FLAD1: variants seen among roughly 807,000 people sequenced by gnomAD.
The protein encoded by FLAD1 is flavin adenine dinucleotide synthetase 1.
A neutral mutation model predicts 55.0 loss-of-function variants in FLAD1; 35 were observed. The ratio of observed to expected loss-of-function variants is 0.64; its 90% CI spans 0.49 to 0.84. FLAD1 has a LOEUF of 0.84. Among genes scored for constraint, FLAD1 ranks in the 40% least tolerant of loss-of-function variants. The probability of loss-of-function intolerance (pLI) is 0.00; values close to 1 mark genes in which losing one functional copy is unlikely to be tolerated. For synonymous variants in FLAD1, 267 were observed against 303.0 expected, an observed-to-expected ratio of 0.88 and a Z score of 1.23; for missense variants, 665 against 742.6, an observed-to-expected ratio of 0.90 and a Z score of 1.21.
In FLAD1 at chr1:154,988,624, G is replaced by A; in HGVS notation, c.892G>A (p.Ala298Thr). ...TGAAGCCTCCATCGCCCCCATTCTGGCTGAGGCCCAGGCCCACTTTGGACG... is the reference window on the plus strand; with the variant it reads ...TGAAGCCTCCATCGCCCCCATTCTGACTGAGGCCCAGGCCCACTTTGGACG... The part of the protein sequence containing the change: ...ADEASIAPIL[A>T]EAQAHFGRRL... Residue 298 changes from alanine to threonine, a missense_variant, in exon 2 of 7, where the codon GCT (alanine) becomes ACT (threonine). By Grantham distance (58) the Ala-to-Thr change is moderately conservative. Coordinates refer to ENST00000292180, the MANE Select transcript of FLAD1 (RefSeq NM_025207.5). The A allele has an allele frequency of 6.2e-7, 1 of 1,614,198 alleles. No individual in the cohort carries two copies. The highest frequency in any genetic ancestry group is 8.5e-7 in the Non-Finnish European group (1 of 1,180,034).
chr1:154,984,121 C>T, intron 1 of FLAD1, 55 bp downstream of exon 1: 1 of 1,406,618 alleles, frequency 7.1e-7, no homozygotes, highest in South Asian at 1.8e-5. Context: ...TCCTTAAGGG[C>T]CTGCTGCACA....
chr1:154,988,620 T>G lies in FLAD1; in HGVS notation c.888T>G (p.Ile296Met). ...VAADEASIAP[I>M]LAEAQAHFGR... ...CTGATGAAGCCTCCATCGCCCCCAT[T>G]CTGGCTGAGGCCCAGGCCCACTTTG... The change falls in exon 2 of 7, where the codon ATT (isoleucine) becomes ATG (methionine). Residue 296 changes from isoleucine (I) to methionine (M), a missense_variant. Coordinates refer to ENST00000292180, the MANE Select transcript of FLAD1 (RefSeq NM_025207.5). The G allele has an allele frequency of 1.2e-6, 2 of 1,614,188 alleles. No individual in the cohort carries two copies. Among genetic ancestry groups the G allele is most frequent in the Non-Finnish European group, 8.5e-7 (1 of 1,180,038 alleles).
chr1:154,990,308 C>T (rs202124211), intron 4 of FLAD1, 31 bp from the exon 5 acceptor site: 18 of 1,613,284 alleles, frequency 1.1e-5, no homozygotes, highest in Admixed American at 1.0e-4. Flanking sequence ...ACAGAGCCCA[C>T]GCCCGACCCC....
intron 1 of FLAD1, chr1:154,987,877 A>T (rs898839605): frequency 1.0e-5 from 14 of 1,353,712 alleles, no homozygotes; most frequent in Non-Finnish European, 1.4e-5. Context: ...GGCTGCAGTG[A>T]ACTGTGACTG....
intron 1 of FLAD1, among the ~76,000 whole-genome samples, chr1:154,985,131 C>T (rs1034262241): frequency 6.2e-5 from 9 of 145,100 alleles, no homozygotes; most frequent in African/African-American, 2.3e-4. Flanking sequence ...TCCTCCCACA[C>T]CTTGCTGGGA....
intron 3 of FLAD1, 101 bp from the exon 4 acceptor site, chr1:154,990,058 G>T: frequency 1.1e-6 from 1 of 948,960 alleles, no homozygotes. Context: ...GGGAGAAGGG[G>T]TGAGAGTCTG....
rs368782747 is a variant in FLAD1 at position 154,992,585 on chromosome 1, C to T, written c.1555-128C>T. On this transcript the variant is annotated intron_variant, in intron 5 of 6. Coordinates refer to ENST00000292180, the MANE Select transcript of FLAD1 (RefSeq NM_025207.5). ...CATAGAGCAAGCTATACCAGAGAAT[C>T]AGATAGCAAGCCCTCCCTCAGAGGC... 2.1e-5 allele frequency: 34 copies of T among 1,613,948 alleles called. No individual in the cohort carries two copies. In the African/African-American group the frequency reaches 3.9e-4, roughly 18 times the overall value.
rs1222916061 is a variant in FLAD1, at chr1:154,989,608, C to T, written c.1166C>T (p.Thr389Ile). The change falls in exon 3 of 7, where the codon ACC becomes ATC. Residue 389 changes from threonine to isoleucine, a missense_variant. Physicochemically the swap from Thr to Ile is moderately conservative, Grantham distance 89. Transcript: ENST00000292180. ...KVAGALQTIE[T>I]SLAQYSLTQL... ...GCAGGTGCCCTACAGACCATTGAGA[C>T]CTCCCTGGCTCAGTACAGCCTCACC... 1.9e-6 allele frequency: 3 copies of T among 1,603,154 alleles called. No homozygotes were observed. The highest frequency in any genetic ancestry group is 1.7e-4 in the Middle Eastern group (1 of 6,014).
chr1:154,992,817 G>C (rs1235555005), intron 6 of FLAD1, 31 bp downstream of exon 6: 1 of 1,614,038 alleles, frequency 6.2e-7, no homozygotes, highest in Non-Finnish European at 8.5e-7. Flanking sequence ...GAATGGGTAA[G>C]GGAGTTTTTA....
Position 154,989,738 on chromosome 1 carries a change from G to A in FLAD1, c.1265+31G>A, listed in dbSNP as rs775757993. 1.9e-5 allele frequency: 28 copies of A among 1,489,170 alleles called. No homozygotes were observed. In the Middle Eastern group the frequency reaches 1.1e-3, roughly 60 times the overall value. 92.2% of individuals were successfully genotyped at this position (1,489,170 alleles called of 1,614,324 possible). The stretch of plus-strand genomic sequence containing the variant: ...CCTGCCCCCGGGAGACAAGACCCCT[G>A]ATCTGTTTCTCCAGTTCCACATCCC... On this transcript the variant is annotated intron_variant, in intron 3 of 6. Coordinates refer to ENST00000292180, the MANE Select transcript of FLAD1 (RefSeq NM_025207.5).
Position 154,993,056 on chromosome 1 carries a change from A to T in FLAD1, c.*19A>T, listed in dbSNP as rs1285887513. On this transcript the variant is annotated 3_prime_UTR_variant, in exon 7 of 7. Transcript: ENST00000292180. ...CACATGACCTCCCACCCTAGGAGGG[A>T]GGGAAGGACACCGTCCTAGGGTATA... 1.2e-6 allele frequency: 2 copies of T among 1,609,864 alleles called. No individual in the cohort carries two copies. Among genetic ancestry groups the T allele is most frequent in the South Asian group, 1.1e-5 (1 of 90,996 alleles).
intron 5 of FLAD1, chr1:154,991,191 AAC>A (rs1657841286): frequency 7.4e-6 from 1 of 135,192 alleles, no homozygotes; most frequent in African/African-American, 2.8e-5. Context: ...TGGGCAACAG[AAC>A]AAGACTCTGT....
Position 154,990,232 on chromosome 1 carries a change from C to T in FLAD1, c.1339C>T (p.Gln447Ter), listed in dbSNP as rs1466009259. The change falls in exon 4 of 7, where the codon CAG (glutamine) becomes TAG (stop). Residue 447 changes from glutamine (Q) to a stop codon, truncating the protein, a stop_gained. Coordinates refer to ENST00000292180, the MANE Select transcript of FLAD1 (RefSeq NM_025207.5). LOFTEE classifies it high-confidence loss of function. ...RSISPFPELE[Q>*]FLQDTIKRYN... is the part of the protein sequence containing the mutation. ...CATCTCCCCTTTCCCTGAGCTGGAA[C>T]AGTTTCTACAGGACACTATCAAGAG... 4.3e-6 allele frequency: 7 copies of T among 1,614,032 alleles called. No homozygotes were observed. The Admixed American group carries it at 1.0e-4, about 23-fold the overall frequency.
In FLAD1 at chr1:154,990,539, A is replaced by G; in HGVS notation, c.1554+11A>G. ...ATCAACCCACTGCTGGTAATGGGGA[A>G]GAGGGTTTATCACCTTCAGTCTCAC... On this transcript the variant is annotated intron_variant, in intron 5 of 6. Transcript: ENST00000292180. 6.3e-7 allele frequency: 1 copy of G among 1,586,270 alleles called. No individual in the cohort carries two copies. The highest frequency in any genetic ancestry group is 1.3e-5 in the African/African-American group (1 of 74,372).
chr1:154,987,650 A>T (rs967295098), intron 1 of FLAD1: 3 of 203,690 alleles, frequency 1.5e-5, no homozygotes, highest in Non-Finnish European at 3.0e-5. Flanking sequence ...AGAAAGAAGA[A>T]AGCAGGCCAG....
At chr1:154,987,096 C>T (rs879396215) in intron 1 of FLAD1, among the ~76,000 whole-genome samples, 4 of 151,104 alleles carry the variant, frequency 2.6e-5, no homozygotes, top group Admixed American at 6.6e-5. Context: ...GGCATGATCT[C>T]GGCTCACTGC....
In FLAD1 at chr1:154,984,695, C is replaced by T. The variant is rs1371773877; in HGVS notation, c.372+629C>T. 6.8e-5 allele frequency among the ~76,000 whole-genome samples: 9 copies of T among 132,162 alleles called. No individual in the cohort carries two copies. The South Asian group carries it at 1.2e-3, about 17-fold the overall frequency. The allele number at this position is 132,162 out of a possible 152,430, so 86.7% of individuals were successfully genotyped here. The stretch of plus-strand genomic sequence containing the variant: ...TGCACTCCAGCCTGGGCAACAAGAG[C>T]GAAACTCCGTCTCAAAAAAAAAAAA... On this transcript the variant is annotated intron_variant, in intron 1 of 6. Coordinates refer to ENST00000292180, the MANE Select transcript of FLAD1 (RefSeq NM_025207.5).
At chr1:154,986,163 C>T (rs1010110217) in intron 1 of FLAD1, among the ~76,000 whole-genome samples, 10 of 152,014 alleles carry the variant, frequency 6.6e-5, no homozygotes, top group Non-Finnish European at 1.2e-4. Flanking sequence ...CTCAGTCTCC[C>T]GAGTAGCTGA....
Position 154,983,595 on chromosome 1 carries a change from TGAG to T in FLAD1, c.-96_-94del, listed in dbSNP as rs1371905790. 38 of 1,310,370 alleles carry T rather than the reference TGAG, an allele frequency of 2.9e-5. No homozygotes were observed. Among genetic ancestry groups the T allele is most frequent in the Admixed American group, 1.3e-4 (6 of 46,432 alleles). The allele number at this position is 1,310,370 out of a possible 1,614,324, so 81.2% of individuals were successfully genotyped here. ...GGATGCCCAAGGTAGAGCAGACACT[TGAG>T]GAGACCAGCTCAGCAAACGGAAGAC... On this transcript the variant is annotated 5_prime_UTR_variant, in exon 1 of 7. Transcript: ENST00000292180.
Sources: gnomAD v4.1 joint callset for allele counts (sites outside exome capture counted in the v4.1 genomes callset) on GRCh38, gnomAD v4.1.1 for gene constraint, MANE v1.5 for transcripts, NCBI Gene and HGNC (gene_info 2026-07-23, HGNC 2026-07-21) for gene names.